Variants in B4GALT1 observed in about 807,000 individuals in gnomAD.
The protein encoded by B4GALT1 is beta-1,4-galactosyltransferase 1.
B4GALT1 carries 16 observed loss-of-function variants against 34.9 expected under a neutral mutation model. The ratio of observed to expected loss-of-function variants is 0.46; its 90% CI spans 0.31 to 0.70. The LOEUF is 0.70. Among genes scored for constraint, B4GALT1 ranks in the 30% least tolerant of loss-of-function variants. B4GALT1 has a pLI of 0.05. For missense variants in B4GALT1, 445 were observed against 530.5 expected (o/e 0.84, Z 1.58); for synonymous variants, 221 against 218.1 (o/e 1.01, Z -0.12).
At chr9:33,139,504 C>T (rs764999327) in intron 1 of B4GALT1, among the ~76,000 whole-genome samples, 13 of 152,196 alleles carry the variant, frequency 8.5e-5, no homozygotes, top group Non-Finnish European at 1.6e-4. Context: ...GCAGCTCACA[C>T]CTTTGAGACA....
chr9:33,174,789 T>C, the B4GALT1 span, among the ~76,000 whole-genome samples: 3 of 144,096 alleles, frequency 2.1e-5, no homozygotes, highest in Non-Finnish European at 4.5e-5. Flanking sequence ...AAACCCCGTC[T>C]CTAGTAAAAA....
intron 3 of B4GALT1, among the ~76,000 whole-genome samples, chr9:33,117,812 C>T (rs1426795775): frequency 6.6e-6 from 1 of 152,162 alleles, no homozygotes; most frequent in Non-Finnish European, 1.5e-5. Context: ...TACTACTGTC[C>T]ACATTATTAA....
At chr9:33,175,488 G>C in the B4GALT1 span, among the ~76,000 whole-genome samples, 1 of 152,004 alleles carries the variant, frequency 6.6e-6, no homozygotes, top group Non-Finnish European at 1.5e-5. Context: ...CATCATATCG[G>C]AAATTTACTC....
chr9:33,118,775 C>T (rs1839978661), intron 3 of B4GALT1, among the ~76,000 whole-genome samples: 1 of 152,126 alleles, frequency 6.6e-6, no homozygotes, highest in Non-Finnish European at 1.5e-5. Context: ...GGGTACCCAA[C>T]ATAGAGGGTA....
At chr9:33,106,981 G>C (rs887850264), downstream of B4GALT1, among the ~76,000 whole-genome samples, 20 of 152,056 alleles carry the variant, frequency 1.3e-4, 1 homozygote, top group African/African-American at 4.4e-4. Context: ...CAAATACACC[G>C]TGATATCATT....
chr9:33,116,606 C>T (rs189410059), intron 3 of B4GALT1, among the ~76,000 whole-genome samples: 11 of 150,476 alleles, frequency 7.3e-5, no homozygotes, highest in African/African-American at 2.2e-4. Flanking sequence ...CTGCAACCTC[C>T]GCCTCCCAGG....
chr9:33,162,533 C>T (rs946094357), intron 1 of B4GALT1, among the ~76,000 whole-genome samples: 2 of 152,198 alleles, frequency 1.3e-5, no homozygotes, highest in African/African-American at 4.8e-5. Flanking sequence ...CAAGACCCTT[C>T]AGATGGACCA....
At chr9:33,138,028 C>T (rs1001402435) in intron 1 of B4GALT1, among the ~76,000 whole-genome samples, 3 of 152,240 alleles carry the variant, frequency 2.0e-5, no homozygotes, top group Non-Finnish European at 2.9e-5. Flanking sequence ...AACATAACCG[C>T]GTTTTGGGGA....
chr9:33,150,267 G>C (rs150281216), intron 1 of B4GALT1, among the ~76,000 whole-genome samples: 124 of 99,798 alleles, frequency 1.2e-3, no homozygotes, highest in Middle Eastern at 0.011. Context: ...CACACACACA[G>C]AGCGAGAGAG....
chr9:33,160,336 A>C (rs1840656078), intron 1 of B4GALT1, among the ~76,000 whole-genome samples: 1 of 152,214 alleles, frequency 6.6e-6, no homozygotes, highest in African/African-American at 2.4e-5. Flanking sequence ...TGGCATATTC[A>C]GCTGACAGAC....
At chr9:33,145,574 G>T (rs192881967) in intron 1 of B4GALT1, among the ~76,000 whole-genome samples, 15 of 152,258 alleles carry the variant, frequency 9.9e-5, no homozygotes, top group Admixed American at 5.9e-4. Flanking sequence ...GGCAGACAAG[G>T]GCCAATAGAG....
chr9:33,136,769 G>C (rs923525770), intron 1 of B4GALT1, among the ~76,000 whole-genome samples: 1 of 152,236 alleles, frequency 6.6e-6, no homozygotes, highest in African/African-American at 2.4e-5. Context: ...GGAACCTAGA[G>C]AACAGGTAGG....
chr9:33,125,270 G>A (rs1006126671), intron 2 of B4GALT1, among the ~76,000 whole-genome samples: 4 of 152,110 alleles, frequency 2.6e-5, no homozygotes, highest in Admixed American at 6.6e-5. Context: ...TTGTAAAGGC[G>A]GTAAGGAAAA....
the B4GALT1 span, chr9:33,179,278 C>A: frequency 2.6e-5 from 4 of 152,206 alleles, no homozygotes; most frequent in African/African-American, 9.6e-5. Context: ...GAATTGTACT[C>A]CAGAACAGCT....
In B4GALT1 at chr9:33,113,484, TTGGGTATACAA is replaced by T; in HGVS notation, c.1156_1166del (p.Leu386AsnfsTer44). 6.2e-7 allele frequency: 1 copy of T among 1,614,230 alleles called. No individual in the cohort carries two copies. Among genetic ancestry groups the T allele is most frequent in the South Asian group, 1.1e-5 (1 of 91,088 alleles). ...TCGGTGTCCCGATGTCCACTGTGAT[TTGGGTATACAA>T]TGGGTATCTCTGTACATCCAGCACC... is the stretch of plus-strand genomic sequence containing the variant. On this transcript the variant is annotated frameshift_variant, in exon 6 of 6. Transcript: ENST00000379731. LOFTEE classifies it high-confidence loss of function.
At chr9:33,114,185 G>A (rs150118408) in intron 4 of B4GALT1, among the ~76,000 whole-genome samples, 55 of 152,376 alleles carry the variant, frequency 3.6e-4, no homozygotes, top group African/African-American at 1.3e-3. Context: ...GGCCAGGATG[G>A]AGGTGAGAAG....
chr9:33,169,811 G>T (rs1378896326), upstream of B4GALT1, among the ~76,000 whole-genome samples: 7 of 151,830 alleles, frequency 4.6e-5, no homozygotes, highest in Non-Finnish European at 1.0e-4. Context: ...GTGAGCCACC[G>T]CGCCCGGCCT....
intron 1 of B4GALT1, among the ~76,000 whole-genome samples, chr9:33,148,174 A>G (rs1380167249): frequency 6.6e-6 from 1 of 152,248 alleles, no homozygotes; most frequent in African/African-American, 2.4e-5. Context: ...ACTCCAGTGA[A>G]AAACAGGCAA....
At chr9:33,126,667 G>GTTAACATTGTTAATTATT (rs1358355119) in intron 2 of B4GALT1, among the ~76,000 whole-genome samples, 1 of 32,838 alleles carries the variant, frequency 3.0e-5, no homozygotes, top group Non-Finnish European at 9.6e-5. Context: ...ATAGCAATAT[G>GTTAACATTGTTAATTATT]GTAGCTCAGA....
Sources: allele counts gnomAD v4.1 joint callset (sites outside exome capture counted in the v4.1 genomes callset), GRCh38; gene constraint gnomAD v4.1.1; transcripts MANE v1.5; gene names NCBI Gene and HGNC (gene_info 2026-07-23, HGNC 2026-07-21).